SLC30A8: variants seen among roughly 807,000 people sequenced by gnomAD.
The protein encoded by SLC30A8 is proton-coupled zinc antiporter SLC30A8.
SLC30A8 carries 27 observed loss-of-function variants against 36.9 expected under a neutral mutation model. The ratio of observed to expected loss-of-function variants is 0.73; its 90% CI spans 0.54 to 1.01. The LOEUF (loss-of-function observed/expected upper bound fraction) is 1.01. SLC30A8 is among the 50% of genes least tolerant of loss of function. The probability of loss-of-function intolerance (pLI) is 0.00; values close to 1 mark genes in which losing one functional copy is unlikely to be tolerated. For synonymous variants in SLC30A8, 164 were observed against 172.4 expected, an observed-to-expected ratio of 0.95 and a Z score of 0.38; for missense variants, 439 against 452.0, an observed-to-expected ratio of 0.97 and a Z score of 0.26.
intron 1 of SLC30A8, among the ~76,000 whole-genome samples, chr8:117,135,834 T>G (rs1046547254): frequency 6.6e-6 from 1 of 151,986 alleles, no homozygotes; most frequent in Non-Finnish European, 1.5e-5. Flanking sequence ...AAAGTATCAT[T>G]ATTAATATAC....
At chr8:117,166,528 T>G (rs1823063765) in intron 6 of SLC30A8, among the ~76,000 whole-genome samples, 1 of 152,152 alleles carries the variant, frequency 6.6e-6, no homozygotes. Context: ...ACTCCCACAA[T>G]TCTTGAGTCA....
intron 2 of SLC30A8, among the ~76,000 whole-genome samples, 174 bp from the exon 3 acceptor site, chr8:117,152,770 C>CA (rs1822252864): frequency 6.6e-6 from 1 of 152,186 alleles, no homozygotes; most frequent in African/African-American, 2.4e-5. Context: ...TCTACATGTT[C>CA]AAATCATATC....
chr8:116,976,617 T>G (rs1815021212), intron 1 of SLC30A8, among the ~76,000 whole-genome samples: 1 of 151,976 alleles, frequency 6.6e-6, no homozygotes, highest in Non-Finnish European at 1.5e-5. Context: ...GACTAACTGA[T>G]AAAGAGGGCT....
intron 2 of SLC30A8, among the ~76,000 whole-genome samples, chr8:117,050,162 G>A (rs116101214): frequency 6.6e-6 from 1 of 152,104 alleles, no homozygotes; most frequent in East Asian, 1.9e-4. Flanking sequence ...GGCATGATGC[G>A]TGCCTTGTTC....
chr8:117,138,664 C>T (rs569564564), intron 1 of SLC30A8, among the ~76,000 whole-genome samples: 1 of 152,030 alleles, frequency 6.6e-6, no homozygotes, highest in South Asian at 2.1e-4. Context: ...ATCTCTAGCC[C>T]AGGAGCAGCA....
chr8:117,171,922 C>T (rs945114430), intron 7 of SLC30A8, among the ~76,000 whole-genome samples: 2 of 152,086 alleles, frequency 1.3e-5, no homozygotes, highest in African/African-American at 4.8e-5. Flanking sequence ...CAGACATCGT[C>T]ATCTTCTCGA....
At chr8:116,979,560 G>T (rs1006056489) in intron 1 of SLC30A8, among the ~76,000 whole-genome samples, 1 of 152,158 alleles carries the variant, frequency 6.6e-6, no homozygotes, top group Non-Finnish European at 1.5e-5. Flanking sequence ...AACGGCATTT[G>T]TCCAAGTCTT....
intron 2 of SLC30A8, among the ~76,000 whole-genome samples, chr8:117,044,778 G>A (rs1817495005): frequency 6.6e-6 from 1 of 152,208 alleles, no homozygotes; most frequent in Non-Finnish European, 1.5e-5. Flanking sequence ...GACAAAAGCT[G>A]TAACACAATT....
chr8:117,163,663 G>T, intron 6 of SLC30A8, 133 bp downstream of exon 6: 1 of 650,208 alleles, frequency 1.5e-6, no homozygotes, highest in Non-Finnish European at 2.5e-6. Flanking sequence ...AGGAATTTTT[G>T]TGAAAACAAT....
At chr8:117,018,440 T>C (rs1044620456) in intron 1 of SLC30A8, among the ~76,000 whole-genome samples, 1 of 152,172 alleles carries the variant, frequency 6.6e-6, no homozygotes, top group African/African-American at 2.4e-5. Flanking sequence ...CTTTGATGCT[T>C]ATTCAGCACA....
chr8:117,030,450 A>G (rs1253027565), intron 1 of SLC30A8, among the ~76,000 whole-genome samples: 1 of 152,178 alleles, frequency 6.6e-6, no homozygotes, highest in Non-Finnish European at 1.5e-5. Flanking sequence ...TAAATTTAAC[A>G]ATATTTCCAA....
At chr8:117,134,554 G>A (rs537901822), upstream of SLC30A8, among the ~76,000 whole-genome samples, 5 of 151,684 alleles carry the variant, frequency 3.3e-5, no homozygotes, top group East Asian at 9.7e-4. Flanking sequence ...GCCTGATAGG[G>A]TTTCCTTGGG....
intron 1 of SLC30A8, among the ~76,000 whole-genome samples, chr8:117,024,714 TAAAC>T (rs904105791): frequency 2.0e-5 from 3 of 152,244 alleles, no homozygotes; most frequent in African/African-American, 7.2e-5. Context: ...GTTTTGGTGA[TAAAC>T]AAAGGTGCAG....
chr8:116,995,085 A>C (rs546273008), intron 1 of SLC30A8, among the ~76,000 whole-genome samples: 21 of 152,110 alleles, frequency 1.4e-4, no homozygotes, highest in Non-Finnish European at 2.8e-4. Flanking sequence ...GTGTAAATGT[A>C]ACATAAAACA....
chr8:117,091,142 A>T (rs1233597830), intron 2 of SLC30A8, among the ~76,000 whole-genome samples: 1 of 152,136 alleles, frequency 6.6e-6, no homozygotes, highest in Admixed American at 6.5e-5. Flanking sequence ...AAATCACAGA[A>T]ATCTTTCTAG....
chr8:117,071,293 A>G (rs549621788), intron 2 of SLC30A8, among the ~76,000 whole-genome samples: 138 of 152,284 alleles, frequency 9.1e-4, no homozygotes, highest in African/African-American at 3.0e-3. Flanking sequence ...CAGTCTCCTA[A>G]TGATGAGTGA....
chr8:117,021,741 C>T (rs1357487880), intron 1 of SLC30A8, among the ~76,000 whole-genome samples: 1 of 152,076 alleles, frequency 6.6e-6, no homozygotes, highest in Non-Finnish European at 1.5e-5. Context: ...TTTACACAAC[C>T]ATATATCAAG....
At chr8:117,110,391 G>A (rs1185045125) in intron 2 of SLC30A8, among the ~76,000 whole-genome samples, 1 of 152,136 alleles carries the variant, frequency 6.6e-6, no homozygotes, top group Non-Finnish European at 1.5e-5. Context: ...AAGATAAAAA[G>A]AGCCAAGGAA....
intron 1 of SLC30A8, among the ~76,000 whole-genome samples, chr8:117,010,537 A>C (rs971472714): frequency 6.6e-6 from 1 of 152,216 alleles, no homozygotes; most frequent in African/African-American, 2.4e-5. Flanking sequence ...TTATTATTAC[A>C]TGGTGCTTTA....
Sources: gnomAD v4.1 joint callset for allele counts (sites outside exome capture counted in the v4.1 genomes callset) on GRCh38, gnomAD v4.1.1 for gene constraint, MANE v1.5 for transcripts, NCBI Gene and HGNC (gene_info 2026-07-23, HGNC 2026-07-21) for gene names.